Variants in SNTG1 observed in about 807,000 individuals in gnomAD.
The protein encoded by SNTG1 is gamma-1-syntrophin.
In SNTG1, 39 loss-of-function variants were observed where a neutral mutation model predicts 74.7. The ratio of observed to expected loss-of-function variants is 0.52; its 90% CI spans 0.40 to 0.68. The LOEUF (loss-of-function observed/expected upper bound fraction) is 0.68, where lower values mean the gene tolerates loss of function less well. SNTG1 is among the 30% of genes least tolerant of loss of function. The pLI, the probability that SNTG1 is intolerant of heterozygous loss-of-function variation, is 0.00. For missense variants in SNTG1, 685 were observed against 609.5 expected (o/e 1.12, Z -1.30); for synonymous variants, 254 against 217.1 (o/e 1.17, Z -1.49).
At chr8:50,781,865 G>C (rs2095660562) in intron 18 of SNTG1, among the ~76,000 whole-genome samples, 1 of 152,052 alleles carries the variant, frequency 6.6e-6, no homozygotes, top group South Asian at 2.1e-4. Context: ...TCCATGTTTA[G>C]TGCTTCCTTC....
intron 15 of SNTG1, among the ~76,000 whole-genome samples, chr8:50,662,141 C>A (rs1306696020): frequency 6.6e-6 from 1 of 152,146 alleles, no homozygotes; most frequent in Non-Finnish European, 1.5e-5. Flanking sequence ...GGGGAGTCTT[C>A]TACAGCCCAG....
rs556423587 is a variant in SNTG1 at position 50,682,345 on chromosome 8, G to A, written c.1039-22255G>A. On this transcript the variant is annotated intron_variant, in intron 15 of 18. Transcript: ENST00000642720. ...AGTGGCGGGGTGGGTAGTTTGGTGG[G>A]AAGGGCAGTTACAGAACAGGTGACT... Among the ~76,000 whole-genome samples, 19 of 152,056 alleles carry A rather than the reference G, an allele frequency of 1.2e-4. No individual in the cohort carries two copies. The East Asian group carries it at 3.7e-3, about 30-fold the overall frequency.
chr8:50,326,530 T>C (rs2090756152), intron 2 of SNTG1, among the ~76,000 whole-genome samples: 2 of 151,952 alleles, frequency 1.3e-5, no homozygotes, highest in Non-Finnish European at 1.5e-5. Context: ...ATGTGATCTA[T>C]ACTTATGTCT....
At chr8:50,106,190 C>T (rs952734333) in intron 1 of SNTG1, among the ~76,000 whole-genome samples, 20 of 152,046 alleles carry the variant, frequency 1.3e-4, no homozygotes, top group African/African-American at 4.8e-4. Context: ...CCTAAGGAAA[C>T]TTACAATCAT....
intron 1 of SNTG1, among the ~76,000 whole-genome samples, chr8:50,080,853 G>T (rs1205359076): frequency 6.6e-6 from 1 of 152,106 alleles, no homozygotes; most frequent in Non-Finnish European, 1.5e-5. Context: ...ATCCACTCAA[G>T]TTCTGGGCAT....
chr8:50,556,216 G>A (rs1037803497), intron 12 of SNTG1, among the ~76,000 whole-genome samples: 1 of 152,142 alleles, frequency 6.6e-6, no homozygotes, highest in Admixed American at 6.5e-5. Context: ...ACTAGAATGA[G>A]GGTGAAGGCT....
chr8:50,403,184 C>T (rs1328363521), intron 4 of SNTG1, among the ~76,000 whole-genome samples: 1 of 152,174 alleles, frequency 6.6e-6, no homozygotes, highest in Non-Finnish European at 1.5e-5. Flanking sequence ...ACATCTGCAA[C>T]TATTTAGCAT....
At chr8:50,058,707 T>C (rs1459230700) in intron 1 of SNTG1, among the ~76,000 whole-genome samples, 1 of 151,916 alleles carries the variant, frequency 6.6e-6, no homozygotes, top group Non-Finnish European at 1.5e-5. Context: ...AAACTGATGT[T>C]TTTCAGATCC....
At chr8:50,251,508 G>A (rs117008942) in intron 2 of SNTG1, among the ~76,000 whole-genome samples, 74 of 151,860 alleles carry the variant, frequency 4.9e-4, no homozygotes, top group Non-Finnish European at 8.5e-4. Flanking sequence ...AACACAGACA[G>A]ACTGAAAGTA....
intron 13 of SNTG1, among the ~76,000 whole-genome samples, chr8:50,645,865 C>A (rs1196266280): frequency 6.6e-6 from 1 of 151,720 alleles, no homozygotes; most frequent in Non-Finnish European, 1.5e-5. Context: ...AGCCTCTCGG[C>A]AATGATTTTA....
intron 1 of SNTG1, among the ~76,000 whole-genome samples, chr8:50,105,627 T>G (rs1240644667): frequency 6.6e-6 from 1 of 152,144 alleles, no homozygotes; most frequent in Non-Finnish European, 1.5e-5. Context: ...CTTTGTGCAG[T>G]ATGGCCATTT....
At chr8:49,999,288 C>T (rs1302988210) in intron 1 of SNTG1, among the ~76,000 whole-genome samples, 1 of 152,044 alleles carries the variant, frequency 6.6e-6, no homozygotes, top group African/African-American at 2.4e-5. Flanking sequence ...TCTTTTTCTC[C>T]CTCTACATTT....
At chr8:50,407,500 G>C (rs922344529) in intron 4 of SNTG1, among the ~76,000 whole-genome samples, 10 of 152,150 alleles carry the variant, frequency 6.6e-5, no homozygotes, top group African/African-American at 2.4e-4. Flanking sequence ...GAATGTTGTA[G>C]TTTTTTCTCC....
chr8:50,275,517 G>A (rs756492268), intron 2 of SNTG1, among the ~76,000 whole-genome samples: 182 of 152,078 alleles, frequency 1.2e-3, no homozygotes, highest in Non-Finnish European at 2.0e-3. Context: ...ATCTAAGTCC[G>A]GCTTCAAATA....
Position 50,022,905 on chromosome 8 carries a change from G to C in SNTG1, c.-103+110674G>C, listed in dbSNP as rs78192595. On this transcript the variant is annotated intron_variant, in intron 1 of 18. Transcript: ENST00000642720. ...GTTTCTGGTTCTCCATGTTAGGAGAGTGTTTCAAAATTATCCTAATAGGAG... is the reference window on the plus strand; with the variant it reads ...GTTTCTGGTTCTCCATGTTAGGAGACTGTTTCAAAATTATCCTAATAGGAG... Among the ~76,000 whole-genome samples, 111 of 152,290 alleles carry C rather than the reference G, an allele frequency of 7.3e-4. 1 individual carries two copies. In the East Asian group the frequency reaches 0.021, roughly 29 times the overall value.
chr8:50,349,228 G>A (rs141513568), intron 2 of SNTG1, among the ~76,000 whole-genome samples: 7 of 152,328 alleles, frequency 4.6e-5, no homozygotes, highest in Admixed American at 6.5e-5. Flanking sequence ...CAAATTGTCT[G>A]TGGGGACCTA....
chr8:50,397,317 TA>T (rs1280685393), intron 3 of SNTG1, among the ~76,000 whole-genome samples: 1 of 152,212 alleles, frequency 6.6e-6, no homozygotes, highest in Non-Finnish European at 1.5e-5. Flanking sequence ...TAGTTTATAT[TA>T]AAATTTGAGA....
At chr8:50,589,752 G>T (rs2094680027) in intron 12 of SNTG1, among the ~76,000 whole-genome samples, 1 of 152,014 alleles carries the variant, frequency 6.6e-6, no homozygotes, top group Non-Finnish European at 1.5e-5. Flanking sequence ...TTTTTTAATT[G>T]ATTAATAAAA....
intron 17 of SNTG1, among the ~76,000 whole-genome samples, chr8:50,715,420 A>T (rs184662863): frequency 1.1e-4 from 17 of 152,296 alleles, no homozygotes; most frequent in African/African-American, 4.1e-4. Context: ...CTATGATAGA[A>T]TACTTATAAA....
Sources: allele counts gnomAD v4.1 joint callset (sites outside exome capture counted in the v4.1 genomes callset), GRCh38; gene constraint gnomAD v4.1.1; transcripts MANE v1.5; gene names NCBI Gene and HGNC (gene_info 2026-07-23, HGNC 2026-07-21).